KALRN: variants seen among roughly 807,000 people sequenced by gnomAD.
KALRN encodes kalirin RhoGEF kinase, also known as kalirin.
KALRN carries 70 observed loss-of-function variants against 353.7 expected under a neutral mutation model. The ratio of observed to expected loss-of-function variants is 0.20; its 90% CI spans 0.16 to 0.24. KALRN has a LOEUF of 0.24. Among genes scored for constraint, KALRN ranks in the 10% least tolerant of loss-of-function variants. The pLI, the probability that KALRN is intolerant of heterozygous loss-of-function variation, is 1.00. For missense variants in KALRN, 2,791 were observed against 3,756.7 expected, an observed-to-expected ratio of 0.74 and a Z score of 6.72; for synonymous variants, 1,391 against 1,434.8, an observed-to-expected ratio of 0.97 and a Z score of 0.69.
At chr3:124,424,236 CA>C (rs112930592) in intron 15 of KALRN, among the ~76,000 whole-genome samples, 1 of 151,736 alleles carries the variant, frequency 6.6e-6, no homozygotes, top group Non-Finnish European at 1.5e-5. Context: ...TCATCCTAAG[CA>C]AAAAACCATC....
chr3:124,217,738 C>G (rs917796970), intron 1 of KALRN, among the ~76,000 whole-genome samples: 1 of 152,142 alleles, frequency 6.6e-6, no homozygotes, highest in African/African-American at 2.4e-5. Context: ...CAGCGGCATA[C>G]ATGTCCTGGC....
At chr3:124,462,779 C>G (rs1385611895) in intron 25 of KALRN, 146 bp downstream of exon 25, 2 of 582,802 alleles carry the variant, frequency 3.4e-6, no homozygotes, top group African/African-American at 3.8e-5. Flanking sequence ...TTTTTACTCA[C>G]TCCCCTTTCT....
intron 1 of KALRN, among the ~76,000 whole-genome samples, chr3:124,099,841 G>T (rs1422421843): frequency 9.9e-5 from 15 of 152,122 alleles, no homozygotes; most frequent in Admixed American, 9.8e-4. Context: ...AAATATACCT[G>T]TTGGCCATTT....
chr3:124,142,031 AC>A (rs1411127984), intron 1 of KALRN, among the ~76,000 whole-genome samples: 6 of 152,198 alleles, frequency 3.9e-5, no homozygotes, highest in African/African-American at 9.7e-5. Flanking sequence ...AGGTAAAAAT[AC>A]ATAATAGGCC....
chr3:124,395,282 G>A lies in KALRN; in HGVS notation c.2110G>A (p.Glu704Lys), dbSNP rs756232057. 13 of 1,613,520 alleles carry A rather than the reference G, an allele frequency of 8.1e-6. No individual in the cohort carries two copies. The highest frequency in any genetic ancestry group is 1.6e-4 in the Middle Eastern group (1 of 6,084). The change falls in exon 12 of 60, where the codon GAA (glutamate) becomes AAA (lysine). Residue 704 changes from glutamate to lysine, a missense_variant. By Grantham distance (56) the Glu-to-Lys change is moderately conservative. Transcript: ENST00000682506. ...DATLNVIKEG[E>K]DLIQQLRSAP... is the part of the protein sequence containing the mutation. ...CACACTCAATGTCATCAAGGAAGGC[G>A]AAGACCTTATCCAGCAGCTCAGGTC...
At chr3:124,130,862 A>T (rs114700154) in intron 1 of KALRN, among the ~76,000 whole-genome samples, 202 of 152,324 alleles carry the variant, frequency 1.3e-3, no homozygotes, top group African/African-American at 4.5e-3. Flanking sequence ...TTGCGAAAGG[A>T]AGCCAGACAT....
In KALRN at chr3:124,334,529, A is replaced by T; in HGVS notation, c.1647+34A>T. On this transcript the variant is annotated intron_variant, in intron 9 of 59. Coordinates refer to ENST00000682506, the MANE Select transcript of KALRN (RefSeq NM_001388419.1). This position sits in a 1 kb window ranked among gnomAD's most constrained non-coding sequence, Gnocchi z 4.2. ...CTCTGAGCCCCGGTGTCCATTATCC[A>T]TTCTAGGAGGCAGACCGAGCTCAAG... The T allele has an allele frequency of 6.6e-7, 1 of 1,505,726 alleles. No individual in the cohort carries two copies. Among genetic ancestry groups the T allele is most frequent in the Non-Finnish European group, 9.2e-7 (1 of 1,092,034 alleles). The allele number at this position is 1,505,726 out of a possible 1,614,324, so 93.3% of individuals were successfully genotyped here.
chr3:124,164,440 T>G (rs545941950), intron 1 of KALRN: 1 of 152,322 alleles, frequency 6.6e-6, no homozygotes, highest in Non-Finnish European at 1.5e-5. Context: ...AACCCACTCT[T>G]CTGTGTCTGT....
At chr3:124,102,179 A>G (rs1559955016) in intron 1 of KALRN, among the ~76,000 whole-genome samples, 1 of 152,130 alleles carries the variant, frequency 6.6e-6, no homozygotes, top group Non-Finnish European at 1.5e-5. Flanking sequence ...TACCTATTAG[A>G]GTTATTTAAT....
chr3:124,306,400 A>G (rs551339946), intron 6 of KALRN, among the ~76,000 whole-genome samples: 12 of 152,224 alleles, frequency 7.9e-5, no homozygotes, highest in Admixed American at 2.0e-4. Context: ...AACAGAATTA[A>G]CAATCTTGAA....
chr3:124,392,607 C>CTT (rs2089576949), intron 11 of KALRN, among the ~76,000 whole-genome samples: 1 of 85,622 alleles, frequency 1.2e-5, no homozygotes, highest in African/African-American at 4.4e-5. Context: ...TCTTTTCTTT[C>CTT]TTTCTTTTTT....
chr3:124,666,560 CA>C lies in KALRN; in HGVS notation c.6458del (p.Gln2153ArgfsTer26). On this transcript the variant is annotated frameshift_variant, in exon 46 of 60. Transcript: ENST00000682506. LOFTEE classifies it high-confidence loss of function. ...AGAGAGGCGCGTGTTCCTCTTCGAG[CA>C]GATTGTCATCTTCAGTGAACTGCTC... Reference protein sequence around the residue: ...TKERRVFLFEQIVIFSELLRK... With the variant: ...TKERRVFLFEXIVIFSELLRK... 1 of 1,614,080 alleles carries C rather than the reference CA, an allele frequency of 6.2e-7. No homozygotes were observed. Among genetic ancestry groups the C allele is most frequent in the Non-Finnish European group, 8.5e-7 (1 of 1,179,950 alleles).
chr3:124,714,814 G>A (rs927153035), intron 58 of KALRN, among the ~76,000 whole-genome samples: 1 of 152,154 alleles, frequency 6.6e-6, no homozygotes, highest in African/African-American at 2.4e-5. Context: ...TCAGGAGTTC[G>A]AGGCCAGCCT....
intron 6 of KALRN, among the ~76,000 whole-genome samples, chr3:124,324,595 A>G (rs1560566518): frequency 6.6e-6 from 1 of 152,208 alleles, no homozygotes; most frequent in South Asian, 2.1e-4. Flanking sequence ...GAGAGATGAC[A>G]CATAGGGGTC....
At chr3:124,111,647 TC>T (rs2062986212) in intron 1 of KALRN, among the ~76,000 whole-genome samples, 1 of 152,186 alleles carries the variant, frequency 6.6e-6, no homozygotes, top group African/African-American at 2.4e-5. Context: ...ACCTACGTGC[TC>T]TGAATGGTGC....
chr3:124,236,473 G>A (rs562764190), intron 3 of KALRN, among the ~76,000 whole-genome samples: 68 of 152,268 alleles, frequency 4.5e-4, no homozygotes, highest in South Asian at 1.0e-3. Flanking sequence ...ATTTTCTGAA[G>A]CAATTTACAA....
chr3:124,487,018 C>T (rs2062637648), intron 28 of KALRN, among the ~76,000 whole-genome samples: 1 of 152,150 alleles, frequency 6.6e-6, no homozygotes, highest in South Asian at 2.1e-4. Context: ...GTCAAGAGGT[C>T]TGTCATTAAC....
At position 124,527,349 on chromosome 3, in the gene KALRN, C is replaced by T. The variant is rs577407693; in HGVS notation, c.4935+30936C>T. ...GATTGGCTGGGCATGGTGGCTCACA[C>T]CTGTAATCCCAGCACTTAGGGAGGC... On this transcript the variant is annotated intron_variant, in intron 33 of 59. Transcript: ENST00000682506. Among the ~76,000 whole-genome samples the T allele has an allele frequency of 2.0e-3, 311 of 152,252 alleles. 1 individual carries two copies. The highest frequency in any genetic ancestry group is 6.8e-3 in the Middle Eastern group (2 of 294).
At chr3:124,668,169 C>T (rs11714209) in intron 47 of KALRN, among the ~76,000 whole-genome samples, 5,515 of 152,088 alleles carry the variant, frequency 0.036, 149 homozygotes, top group East Asian at 0.15. Context: ...CTCACAGGAG[C>T]GCACACACAG....
Sources: gnomAD v4.1 joint callset for allele counts (sites outside exome capture counted in the v4.1 genomes callset) on GRCh38, gnomAD v4.1.1 for gene constraint, Gnocchi (gnomAD v3.1) non-coding constraint, MANE v1.5 for transcripts, NCBI Gene and HGNC (gene_info 2026-07-23, HGNC 2026-07-21) for gene names.